The following SCFD2 variants were observed in gnomAD, a reference collection of about 807,000 sequenced individuals.
The protein encoded by SCFD2 is sec1 family domain-containing protein 2.
A neutral mutation model predicts 58.9 loss-of-function variants in SCFD2; 54 were observed. That is an observed-to-expected ratio of 0.92 (90% confidence interval 0.74 to 1.15). The LOEUF (loss-of-function observed/expected upper bound fraction) is 1.15. Among genes scored for constraint, SCFD2 ranks in the 50% most tolerant of loss-of-function variants. SCFD2 has a pLI of 0.00. For synonymous variants in SCFD2, 321 were observed against 335.9 expected, an observed-to-expected ratio of 0.96 and a Z score of 0.49; for missense variants, 805 against 836.6, an observed-to-expected ratio of 0.96 and a Z score of 0.47.
At chr4:52,935,876 T>C (rs1180152248) in intron 5 of SCFD2, among the ~76,000 whole-genome samples, 1 of 152,160 alleles carries the variant, frequency 6.6e-6, no homozygotes, top group Non-Finnish European at 1.5e-5. Flanking sequence ...TCCCTCTTGT[T>C]GCCCAGGCTG....
chr4:52,874,013 G>A lies in SCFD2; in HGVS notation c.2011C>T (p.Leu671=). The change falls in exon 9 of 9, where the codon CTG becomes TTG. Residue 671 remains leucine, a synonymous_variant. Coordinates refer to ENST00000401642, the MANE Select transcript of SCFD2 (RefSeq NM_152540.4). The part of the protein sequence containing the change: ...RLLKPLNIPE[L]LFATDRLHPD... ...TGCAGTCGGTCAGTTGCAAATAACA[G>A]CTCAGGAATGTTAAGTGGCTTCAGG... 6.2e-7 allele frequency: 1 copy of A among 1,614,098 alleles called. No homozygotes were observed. The highest frequency in any genetic ancestry group is 8.5e-7 in the Non-Finnish European group (1 of 1,179,986).
chr4:53,344,553 C>A (rs1733995311), intron 2 of SCFD2, among the ~76,000 whole-genome samples: 1 of 152,072 alleles, frequency 6.6e-6, no homozygotes, highest in Admixed American at 6.6e-5. Context: ...CAATGCCATC[C>A]CCATCAAGCT....
At chr4:52,925,227 T>A (rs1436561536) in intron 5 of SCFD2, among the ~76,000 whole-genome samples, 1 of 151,876 alleles carries the variant, frequency 6.6e-6, no homozygotes, top group Non-Finnish European at 1.5e-5. Flanking sequence ...CACTACATTC[T>A]GCTGTCTTTC....
At chr4:53,246,474 G>T (rs1005447731) in intron 4 of SCFD2, among the ~76,000 whole-genome samples, 1 of 152,136 alleles carries the variant, frequency 6.6e-6, no homozygotes, top group African/African-American at 2.4e-5. Context: ...AACCAAAACA[G>T]CATGGTACTA....
intron 5 of SCFD2, among the ~76,000 whole-genome samples, chr4:52,996,757 G>A (rs1048017039): frequency 7.9e-5 from 12 of 152,308 alleles, no homozygotes; most frequent in African/African-American, 2.4e-4. Context: ...GAACAAATTA[G>A]GCTGTCTGCA....
rs1040829215 is a variant in SCFD2 at position 53,082,610 on chromosome 4, C to T, written c.1561+62723G>A. Among the ~76,000 whole-genome samples, 5 of 152,186 alleles carry T rather than the reference C, an allele frequency of 3.3e-5. No individual in the cohort carries two copies. The East Asian group carries it at 9.7e-4, about 29-fold the overall frequency. ...TGAGGGTGTTTGCAGAAAAGATTCA[C>T]ATTTGAATTGGTAGCCTGAGGAAAG... On this transcript the variant is annotated intron_variant, in intron 5 of 8. Coordinates refer to ENST00000401642, the MANE Select transcript of SCFD2 (RefSeq NM_152540.4).
chr4:53,015,427 CA>C (rs1364336149), intron 5 of SCFD2, among the ~76,000 whole-genome samples: 1 of 151,468 alleles, frequency 6.6e-6, no homozygotes. Context: ...GGAAAATATG[CA>C]AAAAAACAAA....
chr4:53,244,865 C>T (rs550083399), intron 4 of SCFD2, among the ~76,000 whole-genome samples: 139 of 148,790 alleles, frequency 9.3e-4, no homozygotes, highest in Non-Finnish European at 1.7e-3. Context: ...AATAGCTAGA[C>T]TAATAAAGAA....
chr4:53,187,427 A>G (rs1727769856), intron 4 of SCFD2, among the ~76,000 whole-genome samples: 1 of 152,102 alleles, frequency 6.6e-6, no homozygotes, highest in Non-Finnish European at 1.5e-5. Context: ...AAATCTAAAA[A>G]AAGAAAAAAG....
chr4:53,138,732 G>C (rs1347860711), intron 5 of SCFD2, among the ~76,000 whole-genome samples: 1 of 152,144 alleles, frequency 6.6e-6, no homozygotes, highest in African/African-American at 2.4e-5. Flanking sequence ...TTAAATTTTT[G>C]TTTTGTTTTG....
At chr4:52,921,094 T>C (rs1254983445) in intron 5 of SCFD2, among the ~76,000 whole-genome samples, 3 of 152,146 alleles carry the variant, frequency 2.0e-5, no homozygotes, top group African/African-American at 7.2e-5. Flanking sequence ...TTGACAGAAG[T>C]GGAACTCAAA....
chr4:53,244,780 C>T (rs1730011327), intron 4 of SCFD2, among the ~76,000 whole-genome samples: 1 of 149,348 alleles, frequency 6.7e-6, no homozygotes, highest in African/African-American at 2.5e-5. Flanking sequence ...TGTGAAAAAC[C>T]ATTCAAAAGA....
chr4:52,901,825 A>G (rs972538021), intron 7 of SCFD2, among the ~76,000 whole-genome samples: 1 of 152,250 alleles, frequency 6.6e-6, no homozygotes, highest in Non-Finnish European at 1.5e-5. Flanking sequence ...ATATGATGCA[A>G]ATGAAATTCT....
intron 4 of SCFD2, among the ~76,000 whole-genome samples, chr4:53,180,051 A>G (rs943487125): frequency 4.6e-5 from 7 of 152,228 alleles, no homozygotes; most frequent in South Asian, 4.1e-4. Flanking sequence ...CAATAATAGT[A>G]GGAGACTTTA....
At chr4:53,128,327 C>T (rs1195368334) in intron 5 of SCFD2, among the ~76,000 whole-genome samples, 2 of 152,168 alleles carry the variant, frequency 1.3e-5, no homozygotes, top group African/African-American at 4.8e-5. Context: ...TCAACACTTC[C>T]ATTCTAATAT....
At chr4:53,250,208 C>T (rs1289677334) in intron 4 of SCFD2, among the ~76,000 whole-genome samples, 1 of 152,084 alleles carries the variant, frequency 6.6e-6, no homozygotes, top group East Asian at 1.9e-4. Context: ...CAAAGAAGGC[C>T]GTTACATAAT....
At chr4:53,260,859 C>T (rs1730808664) in intron 4 of SCFD2, among the ~76,000 whole-genome samples, 1 of 152,096 alleles carries the variant, frequency 6.6e-6, no homozygotes, top group African/African-American at 2.4e-5. Context: ...TGGTCCTGGA[C>T]TTTTTTTGTT....
At chr4:53,271,176 A>C (rs1247608101) in intron 4 of SCFD2, among the ~76,000 whole-genome samples, 1 of 152,162 alleles carries the variant, frequency 6.6e-6, no homozygotes, top group Non-Finnish European at 1.5e-5. Flanking sequence ...AAGAGGACAC[A>C]GCCTTGAGCC....
chr4:53,256,738 G>A (rs111290622), intron 4 of SCFD2, among the ~76,000 whole-genome samples: 70,841 of 151,064 alleles, frequency 0.47, 17,736 homozygotes, highest in Admixed American at 0.55. Context: ...CCAGTCAGGC[G>A]TGGTGGCGGG....
Sources: allele counts gnomAD v4.1 joint callset (sites outside exome capture counted in the v4.1 genomes callset), GRCh38; gene constraint gnomAD v4.1.1; transcripts MANE v1.5; gene names NCBI Gene and HGNC (gene_info 2026-07-23, HGNC 2026-07-21).